EPHA6: variants seen among roughly 807,000 people sequenced by gnomAD.
EPHA6 encodes ephrin type-A receptor 6.
Under a neutral mutation model 112.0 loss-of-function variants are expected in EPHA6, and 50 were observed. The observed-to-expected ratio is 0.45, with a 90% CI of 0.36 to 0.56. EPHA6 has a LOEUF of 0.56. Among genes scored for constraint, EPHA6 ranks in the 20% least tolerant of loss-of-function variants. EPHA6 has a pLI of 0.00. For missense variants in EPHA6, 1,280 were observed against 1,417.4 expected, an observed-to-expected ratio of 0.90 and a Z score of 1.56; for synonymous variants, 529 against 490.7, an observed-to-expected ratio of 1.08 and a Z score of -1.03.
intron 3 of EPHA6, among the ~76,000 whole-genome samples, chr3:97,153,735 G>T (rs751513046): frequency 2.6e-5 from 4 of 152,024 alleles, no homozygotes; most frequent in Non-Finnish European, 4.4e-5. Context: ...TCATTAGATT[G>T]TATGGACCCT....
chr3:97,683,279 T>C (rs1322213521), intron 14 of EPHA6, among the ~76,000 whole-genome samples: 1 of 152,170 alleles, frequency 6.6e-6, no homozygotes, highest in Non-Finnish European at 1.5e-5. Flanking sequence ...ACCATTATAT[T>C]AAAAAAGAGT....
At chr3:97,664,633 C>G (rs2094193224) in intron 14 of EPHA6, among the ~76,000 whole-genome samples, 1 of 152,160 alleles carries the variant, frequency 6.6e-6, no homozygotes, top group Admixed American at 6.5e-5. Flanking sequence ...TCTCAGGATA[C>G]AAAATCAATG....
chr3:97,549,745 G>T (rs1023499831), intron 11 of EPHA6, among the ~76,000 whole-genome samples: 1 of 152,084 alleles, frequency 6.6e-6, no homozygotes, highest in Admixed American at 6.6e-5. Flanking sequence ...AGGAGGCAGA[G>T]GTAGCAGTGA....
At chr3:97,579,597 A>G (rs1165979129) in intron 11 of EPHA6, among the ~76,000 whole-genome samples, 1 of 152,214 alleles carries the variant, frequency 6.6e-6, no homozygotes, top group Non-Finnish European at 1.5e-5. Context: ...AGGGTGATTC[A>G]TATGACTCAG....
At chr3:96,890,931 G>GA (rs993547413) in intron 2 of EPHA6, among the ~76,000 whole-genome samples, 2 of 151,932 alleles carry the variant, frequency 1.3e-5, no homozygotes, top group Non-Finnish European at 2.9e-5. Flanking sequence ...ACAAAAAATA[G>GA]AAAAAATCAG....
intron 3 of EPHA6, among the ~76,000 whole-genome samples, chr3:97,162,516 C>G (rs2076438398): frequency 6.6e-6 from 1 of 152,132 alleles, no homozygotes; most frequent in Non-Finnish European, 1.5e-5. Context: ...AACTGGTAGA[C>G]CATAGCCATG....
rs1051422532 is a variant in EPHA6, at chr3:97,752,555, G to A, written c.*3854G>A. On this transcript the variant is annotated 3_prime_UTR_variant, in exon 18 of 18. Transcript: ENST00000389672. ...TATCTCAATCAGCATAAAAAAGGTAGCACAACAAATCTAAAAAGATTGTAT... is the reference window on the plus strand; with the variant it reads ...TATCTCAATCAGCATAAAAAAGGTAACACAACAAATCTAAAAAGATTGTAT... The A allele has an allele frequency of 2.8e-5, 6 of 217,646 alleles. No individual in the cohort carries two copies. The highest frequency in any genetic ancestry group is 1.7e-4 in the Admixed American group (3 of 17,242). The allele number at this position is 217,646 out of a possible 1,614,324, so 13.5% of individuals were successfully genotyped here. A position where few individuals can be genotyped will look rare whatever the true frequency, so the allele number is the denominator to read the frequency against.
intron 3 of EPHA6, among the ~76,000 whole-genome samples, chr3:97,064,491 G>A (rs896080091): frequency 2.0e-5 from 3 of 152,070 alleles, no homozygotes; most frequent in Non-Finnish European, 4.4e-5. Flanking sequence ...TCACTAAACT[G>A]CAAGCTTCAA....
Position 97,458,221 on chromosome 3 carries a change from A to C in EPHA6, c.1894+9491A>C, listed in dbSNP as rs560292706. Among the ~76,000 whole-genome samples the C allele has an allele frequency of 2.6e-5, 4 of 152,232 alleles. No individual in the cohort carries two copies. The South Asian group carries it at 8.3e-4, about 32-fold the overall frequency. ...GCTTAAAAGATTTAGCTGTGTGTGCAGAAACCCAAGCATGACATGTGTGAG... is the reference window on the plus strand; with the variant it reads ...GCTTAAAAGATTTAGCTGTGTGTGCCGAAACCCAAGCATGACATGTGTGAG... On this transcript the variant is annotated intron_variant, in intron 7 of 17. Transcript: ENST00000389672.
chr3:97,197,488 A>G (rs2077471738), intron 3 of EPHA6, among the ~76,000 whole-genome samples: 1 of 151,866 alleles, frequency 6.6e-6, no homozygotes, highest in Non-Finnish European at 1.5e-5. Context: ...AGGGCCTGGA[A>G]TGGGTGCCTC....
intron 16 of EPHA6, among the ~76,000 whole-genome samples, chr3:97,742,022 T>G (rs1363348575): frequency 6.6e-6 from 1 of 152,088 alleles, no homozygotes; most frequent in Admixed American, 6.6e-5. Flanking sequence ...AGGAAAGTAG[T>G]AATAGCAACA....
intron 10 of EPHA6, among the ~76,000 whole-genome samples, chr3:97,516,634 C>A (rs1403435684): frequency 6.6e-6 from 1 of 152,112 alleles, no homozygotes; most frequent in Non-Finnish European, 1.5e-5. Flanking sequence ...CCGTCTAGAA[C>A]TGAATTAAAA....
intron 1 of EPHA6, among the ~76,000 whole-genome samples, chr3:96,853,898 A>C (rs1178356934): frequency 2.0e-5 from 3 of 152,030 alleles, no homozygotes; most frequent in Non-Finnish European, 4.4e-5. Context: ...ATAAAATCAC[A>C]GGGACTTAGC....
At chr3:96,816,186 G>A (rs1477670214) in intron 1 of EPHA6, among the ~76,000 whole-genome samples, 1 of 152,140 alleles carries the variant, frequency 6.6e-6, no homozygotes, top group African/African-American at 2.4e-5. Flanking sequence ...TTCAGAATCA[G>A]AATAAAATAT....
chr3:97,190,043 A>T (rs1388079904), intron 3 of EPHA6, among the ~76,000 whole-genome samples: 1 of 152,056 alleles, frequency 6.6e-6, no homozygotes, highest in Admixed American at 6.6e-5. Flanking sequence ...AGCACTATCT[A>T]TAAGCCATGG....
chr3:97,508,607 G>A (rs750940742), intron 10 of EPHA6, among the ~76,000 whole-genome samples: 9 of 152,180 alleles, frequency 5.9e-5, no homozygotes. Context: ...TAAGTGCGAT[G>A]TGGTGCTGAG....
At chr3:97,697,431 TA>T (rs2107726086) in intron 14 of EPHA6, among the ~76,000 whole-genome samples, 1 of 152,298 alleles carries the variant, frequency 6.6e-6, no homozygotes, top group South Asian at 2.1e-4. Flanking sequence ...ACATTTTCTG[TA>T]ACCCAAAAGG....
intron 3 of EPHA6, among the ~76,000 whole-genome samples, chr3:97,032,005 T>A (rs970573773): frequency 6.6e-6 from 1 of 152,192 alleles, no homozygotes; most frequent in African/African-American, 2.4e-5. Context: ...CACGTATGTT[T>A]ATTGTGGCAC....
In EPHA6 at chr3:97,226,282, A is replaced by G. The variant is rs1166250351; in HGVS notation, c.1133A>G (p.Tyr378Cys). Residue 378 changes from tyrosine (Y) to cysteine (C), a missense_variant, in exon 4 of 18, where the codon TAT (tyrosine) becomes TGT (cysteine). Physicochemically the swap from Tyr to Cys is radical, Grantham distance 194. Transcript: ENST00000389672. The part of the protein sequence containing the change: ...GSCHACRPGF[Y>C]KAFAGNTKCS... ...TTTACAGCTTGCAGACCAGGATTCTATAAAGCTTTTGCTGGGAACACAAAA... is the reference window on the plus strand; with the variant it reads ...TTTACAGCTTGCAGACCAGGATTCTGTAAAGCTTTTGCTGGGAACACAAAA... 1 of 1,609,516 alleles carries G rather than the reference A, an allele frequency of 6.2e-7. No homozygotes were observed. Among genetic ancestry groups the G allele is most frequent in the Non-Finnish European group, 8.5e-7 (1 of 1,178,718 alleles).
Sources: gnomAD v4.1 joint callset for allele counts (sites outside exome capture counted in the v4.1 genomes callset) on GRCh38, gnomAD v4.1.1 for gene constraint, MANE v1.5 for transcripts, NCBI Gene and HGNC (gene_info 2026-07-23, HGNC 2026-07-21) for gene names.